The following ZYG11B variants were observed in gnomAD, a reference collection of about 807,000 sequenced individuals.
The protein encoded by ZYG11B is zyg-11 family member B, cell cycle regulator.
ZYG11B carries 36 observed loss-of-function variants against 82.4 expected under a neutral mutation model. That is an observed-to-expected ratio of 0.44 (90% confidence interval 0.33 to 0.58). ZYG11B has a LOEUF of 0.58. ZYG11B is among the 20% of genes least tolerant of loss of function. The pLI is 0.02. For missense variants in ZYG11B, 552 were observed against 895.6 expected (o/e 0.62, Z 4.90); for synonymous variants, 303 against 312.8 (o/e 0.97, Z 0.33).
chr1:52,753,678 C>T (rs561429470), intron 1 of ZYG11B, among the ~76,000 whole-genome samples: 1 of 151,934 alleles, frequency 6.6e-6, no homozygotes, highest in East Asian at 1.9e-4. Context: ...CTCATCGCAA[C>T]CTCTGCCTCC....
Position 52,785,024 on chromosome 1 carries a change from G to C in ZYG11B, c.1240G>C (p.Ala414Pro). ...TGATGTGACCCATTTGCTGCTCAAAGCCATGGAACATTTTCCCAATCACCA... is the reference window on the plus strand; with the variant it reads ...TGATGTGACCCATTTGCTGCTCAAACCCATGGAACATTTTCCCAATCACCA... The part of the protein sequence containing the change: ...LADVTHLLLK[A>P]MEHFPNHQQL... Residue 414 changes from alanine to proline, a missense_variant, in exon 5 of 14, where the codon GCC becomes CCC. Physicochemically the swap from Ala to Pro is conservative, Grantham distance 27 (BLOSUM62 -1). Transcript: ENST00000294353. 1.2e-6 allele frequency: 2 copies of C among 1,613,002 alleles called. No individual in the cohort carries two copies. The highest frequency in any genetic ancestry group is 1.7e-6 in the Non-Finnish European group (2 of 1,179,848).
chr1:52,796,424 G>C (rs1645006801), intron 7 of ZYG11B, 33 bp downstream of exon 7: 6 of 1,543,456 alleles, frequency 3.9e-6, no homozygotes, highest in South Asian at 1.1e-5. Context: ...ATTTTCTGTA[G>C]ACAGCTGTTT....
chr1:52,727,337 T>C (rs527881566), intron 1 of ZYG11B, among the ~76,000 whole-genome samples: 1 of 152,148 alleles, frequency 6.6e-6, no homozygotes, highest in East Asian at 1.9e-4. Context: ...TTCCTTTTCG[T>C]TTTTGGAGGC....
intron 2 of ZYG11B, among the ~76,000 whole-genome samples, chr1:52,770,647 T>C (rs972454012): frequency 3.9e-5 from 6 of 152,194 alleles, no homozygotes; most frequent in African/African-American, 1.4e-4. Flanking sequence ...TGGAAAATCA[T>C]GCACTGGCTC....
chr1:52,815,380 G>A (rs1315969272), intron 12 of ZYG11B, among the ~76,000 whole-genome samples: 8 of 152,034 alleles, frequency 5.3e-5, no homozygotes, highest in Admixed American at 5.2e-4. Flanking sequence ...TACACCTGTA[G>A]TCCCACCACT....
intron 1 of ZYG11B, among the ~76,000 whole-genome samples, chr1:52,755,868 C>T (rs917847358): frequency 8.5e-5 from 13 of 152,116 alleles, no homozygotes; most frequent in Non-Finnish European, 5.9e-5. Context: ...GGCATAATCT[C>T]GGCTCACTAC....
In ZYG11B at chr1:52,793,868, T is replaced by TTCCTTTCCTTCCTTCCTTCCTTCCTTCC. The variant is rs1644979935; in HGVS notation, c.1335-2423_1335-2422insCCTTTCCTTCCTTCCTTCCTTCCTTCCT. ...TTTCTTTCTTTCTTCCTTTTCTTTCTTTCCTTCCTTCCTTCCTTCCTTCCT... is the reference window on the plus strand; with the variant it reads ...TTTCTTTCTTTCTTCCTTTTCTTTCTTCCTTTCCTTCCTTCCTTCCTTCCTTCCTTCCTTCCTTCCTTCCTTCCTTCCT... On this transcript the variant is annotated intron_variant, in intron 6 of 13. Coordinates refer to ENST00000294353, the MANE Select transcript of ZYG11B (RefSeq NM_024646.3). 3.1e-4 allele frequency among the ~76,000 whole-genome samples: 30 copies of TTCCTTTCCTTCCTTCCTTCCTTCCTTCC among 95,494 alleles called. 1 individual carries two copies. The highest frequency in any genetic ancestry group is 1.1e-3 in the African/African-American group (27 of 23,736). 62.6% of individuals were successfully genotyped at this position (95,494 alleles called of 152,430 possible).
At chr1:52,776,229 A>AAAAAAAAAAAAAAAAATAT in intron 3 of ZYG11B, among the ~76,000 whole-genome samples, 1 of 23,536 alleles carries the variant, frequency 4.2e-5, no homozygotes, top group African/African-American at 9.5e-5. Context: ...TAAAAAAAAA[A>AAAAAAAAAAAAAAAAATAT]ATATATATAT....
intron 10 of ZYG11B, among the ~76,000 whole-genome samples, chr1:52,811,507 T>C (rs928661166): frequency 3.3e-5 from 5 of 152,188 alleles, no homozygotes; most frequent in African/African-American, 1.2e-4. Flanking sequence ...GGTCTCCCTA[T>C]GTTGCCCAGG....
intron 1 of ZYG11B, among the ~76,000 whole-genome samples, chr1:52,728,054 A>T (rs1250260806): frequency 6.6e-6 from 1 of 152,014 alleles, no homozygotes; most frequent in African/African-American, 2.4e-5. Context: ...TGTCTCCTTC[A>T]CTTTCACACA....
At chr1:52,820,446 A>AGACT (rs1171951886) in intron 13 of ZYG11B, among the ~76,000 whole-genome samples, 1 of 151,868 alleles carries the variant, frequency 6.6e-6, no homozygotes, top group Non-Finnish European at 1.5e-5. Flanking sequence ...CAGGAGTTTG[A>AGACT]GACTGGACTG....
chr1:52,785,479 A>G (rs1240728341), intron 5 of ZYG11B, among the ~76,000 whole-genome samples: 2 of 152,120 alleles, frequency 1.3e-5, no homozygotes, highest in Admixed American at 1.3e-4. Flanking sequence ...TGTTTTTTAA[A>G]CAGAGTCTTG....
chr1:52,759,248 G>C (rs1571756249), intron 2 of ZYG11B, among the ~76,000 whole-genome samples: 1 of 152,140 alleles, frequency 6.6e-6, no homozygotes, highest in South Asian at 2.1e-4. Flanking sequence ...CAGTATATTA[G>C]ATTAAAAAAA....
intron 10 of ZYG11B, among the ~76,000 whole-genome samples, chr1:52,811,327 C>T (rs1334279458): frequency 3.3e-5 from 5 of 152,106 alleles, no homozygotes; most frequent in African/African-American, 1.2e-4. Context: ...TTCATACCCT[C>T]TCTAATCTCT....
intron 12 of ZYG11B, among the ~76,000 whole-genome samples, chr1:52,816,101 T>A (rs1204359315): frequency 6.6e-6 from 1 of 151,994 alleles, no homozygotes; most frequent in Admixed American, 6.6e-5. Context: ...GTTGCCAACA[T>A]TTTTTTTATT....
At chr1:52,767,939 C>T (rs1299454106) in intron 2 of ZYG11B, among the ~76,000 whole-genome samples, 1 of 152,156 alleles carries the variant, frequency 6.6e-6, no homozygotes, top group South Asian at 2.1e-4. Flanking sequence ...CTACTAACAT[C>T]GTGGTGGGGG....
At position 52,726,567 on chromosome 1, in the gene ZYG11B, C is replaced by G; in HGVS notation, c.-87C>G. On this transcript the variant is annotated 5_prime_UTR_variant, in exon 1 of 14. Coordinates refer to ENST00000294353, the MANE Select transcript of ZYG11B (RefSeq NM_024646.3). ...CTGGGCCAAGCCCGGAGCCGCCGCT[C>G]GCCGGAGCCTCCTGGAGCCTCCGCG... 1.6e-6 allele frequency: 2 copies of G among 1,287,596 alleles called. No homozygotes were observed. Among genetic ancestry groups the G allele is most frequent in the Non-Finnish European group, 2.0e-6 (2 of 1,008,694 alleles). 79.8% of individuals were successfully genotyped at this position (1,287,596 alleles called of 1,614,324 possible).
intron 2 of ZYG11B, among the ~76,000 whole-genome samples, chr1:52,757,398 G>A (rs967148428): frequency 1.3e-4 from 20 of 152,008 alleles, no homozygotes; most frequent in Non-Finnish European, 1.9e-4. Flanking sequence ...ACATCGGGCC[G>A]GGCGTGGTGG....
rs911372396 is a variant in ZYG11B at position 52,823,946 on chromosome 1, C to G, written c.*2317C>G. ...AGGAGTTCGAGACCACCCTGGCCAA[C>G]GTGGTGAAACCCCGTCTCTACTAAA... On this transcript the variant is annotated 3_prime_UTR_variant, in exon 14 of 14. Coordinates refer to ENST00000294353, the MANE Select transcript of ZYG11B (RefSeq NM_024646.3). 6.6e-6 allele frequency: 1 copy of G among 152,002 alleles called. No homozygotes were observed. The highest frequency in any genetic ancestry group is 1.5e-5 in the Non-Finnish European group (1 of 68,032). 9.4% of individuals were successfully genotyped at this position (152,002 alleles called of 1,614,324 possible).
Sources: allele counts gnomAD v4.1 joint callset (sites outside exome capture counted in the v4.1 genomes callset), GRCh38; gene constraint gnomAD v4.1.1; transcripts MANE v1.5; gene names NCBI Gene and HGNC (gene_info 2026-07-23, HGNC 2026-07-21).